The following LPP variants were observed in gnomAD, a reference collection of about 807,000 sequenced individuals.
The protein encoded by LPP is LIM domain containing preferred translocation partner in lipoma.
LPP carries 38 observed loss-of-function variants against 60.4 expected under a neutral mutation model. The observed-to-expected ratio is 0.63, with a 90% CI of 0.49 to 0.83. The LOEUF (loss-of-function observed/expected upper bound fraction) is 0.83. Among genes scored for constraint, LPP ranks in the 40% least tolerant of loss-of-function variants. The probability of loss-of-function intolerance (pLI) is 0.00; values close to 1 mark genes in which losing one functional copy is unlikely to be tolerated. For synonymous variants in LPP, 328 were observed against 290.8 expected, an observed-to-expected ratio of 1.13 and a Z score of -1.30; for missense variants, 902 against 783.6, an observed-to-expected ratio of 1.15 and a Z score of -1.80.
chr3:188,710,199 A>G (rs1292873192), intron 8 of LPP: 1 of 152,222 alleles, frequency 6.6e-6, no homozygotes, highest in Non-Finnish European at 1.5e-5. Flanking sequence ...GTCCAAAAAC[A>G]CACAGTAGAT....
chr3:188,581,046 C>T (rs1006620145), intron 6 of LPP, among the ~76,000 whole-genome samples: 8 of 152,158 alleles, frequency 5.3e-5, no homozygotes, highest in Middle Eastern at 3.4e-3. Context: ...TACAAAACAC[C>T]TTCCCAGCCA....
At chr3:188,732,609 T>C (rs1721023727) in intron 8 of LPP, among the ~76,000 whole-genome samples, 1 of 150,672 alleles carries the variant, frequency 6.6e-6, no homozygotes, top group Admixed American at 6.7e-5. Context: ...TCCCAGCTAC[T>C]TGGGAGGCTG....
intron 5 of LPP, among the ~76,000 whole-genome samples, chr3:188,490,486 G>T (rs575617515): frequency 1.3e-5 from 2 of 150,826 alleles, no homozygotes; most frequent in South Asian, 4.2e-4. Context: ...TCAGCCCACC[G>T]AGTAGCTGGG....
chr3:188,826,548 C>G (rs981399562), intron 9 of LPP, among the ~76,000 whole-genome samples: 5 of 151,992 alleles, frequency 3.3e-5, no homozygotes, highest in Admixed American at 2.0e-4. Flanking sequence ...ATGGTCTTAC[C>G]CCATGGGTTC....
chr3:188,172,352 G>T (rs1721823536), intron 1 of LPP, among the ~76,000 whole-genome samples: 1 of 152,138 alleles, frequency 6.6e-6, no homozygotes, highest in South Asian at 2.1e-4. Context: ...TTAGGCCTCT[G>T]TTGCCTCATC....
intron 3 of LPP, among the ~76,000 whole-genome samples, chr3:188,405,861 T>C (rs1783339378): frequency 7.4e-6 from 1 of 134,504 alleles, no homozygotes; most frequent in Non-Finnish European, 1.6e-5. Flanking sequence ...CAGTGTTCTC[T>C]TCCTGCTCCT....
intron 8 of LPP, among the ~76,000 whole-genome samples, chr3:188,727,236 G>A (rs1468037508): frequency 6.6e-6 from 1 of 152,144 alleles, no homozygotes; most frequent in Admixed American, 6.6e-5. Flanking sequence ...TCTGTGATAG[G>A]GGGTTTTGGA....
intron 7 of LPP, among the ~76,000 whole-genome samples, chr3:188,699,615 A>G (rs148321121): frequency 2.6e-5 from 4 of 152,310 alleles, no homozygotes; most frequent in African/African-American, 9.6e-5. Flanking sequence ...GTGTCCTTAA[A>G]ATTCATTCTT....
At chr3:188,671,441 T>C (rs1387186372) in intron 7 of LPP, among the ~76,000 whole-genome samples, 1 of 152,234 alleles carries the variant, frequency 6.6e-6, no homozygotes, top group Non-Finnish European at 1.5e-5. Flanking sequence ...TTTATTTAAA[T>C]TGAAACCAAT....
At chr3:188,336,470 C>A (rs1018473395) in intron 2 of LPP, among the ~76,000 whole-genome samples, 1 of 152,160 alleles carries the variant, frequency 6.6e-6, no homozygotes, top group African/African-American at 2.4e-5. Flanking sequence ...GATTTGGCAA[C>A]ATGAGCCAGT....
rs1012504068 is a variant in LPP, at chr3:188,889,248, A to G, written c.*14769A>G. 4.3e-6 allele frequency: 1 copy of G among 230,664 alleles called. No homozygotes were observed. Among genetic ancestry groups the G allele is most frequent in the Middle Eastern group, 1.3e-3 (1 of 778 alleles). 14.3% of individuals were successfully genotyped at this position (230,664 alleles called of 1,614,324 possible). On this transcript the variant is annotated 3_prime_UTR_variant, in exon 12 of 12. Coordinates refer to ENST00000617246, the MANE Select transcript of LPP (RefSeq NM_001375462.1). ...TTTCCATAGTTCCATCACTGACAAAACTGTCAATACTGTTGATGGAGCAGC... is the reference window on the plus strand; with the variant it reads ...TTTCCATAGTTCCATCACTGACAAAGCTGTCAATACTGTTGATGGAGCAGC...
At chr3:188,456,654 TGG>T (rs1464563087) in intron 4 of LPP, among the ~76,000 whole-genome samples, 5 of 152,234 alleles carry the variant, frequency 3.3e-5, no homozygotes, top group Admixed American at 6.5e-5. Context: ...TTGCCACTGA[TGG>T]CAGAGTCAAC....
Position 188,230,971 on chromosome 3 carries a change from ATTTG to A in LPP, c.-67+5448_-67+5451del, listed in dbSNP as rs373115590. Among the ~76,000 whole-genome samples the A allele has an allele frequency of 4.4e-3, 675 of 152,138 alleles. 7 individuals are homozygous for A. The highest frequency in any genetic ancestry group is 0.015 in the African/African-American group (637 of 41,492). ...AGCACATCGCATGATGGTTGGCAGG[ATTTG>A]TTTCCCCACAGATTATTGGACTGAG... is the stretch of plus-strand genomic sequence containing the variant. On this transcript the variant is annotated intron_variant, in intron 2 of 11. Coordinates refer to ENST00000617246, the MANE Select transcript of LPP (RefSeq NM_001375462.1).
intron 1 of LPP, among the ~76,000 whole-genome samples, chr3:188,167,268 C>T (rs925967095): frequency 5.3e-5 from 8 of 152,136 alleles, no homozygotes; most frequent in African/African-American, 1.4e-4. Flanking sequence ...GAGGCCGAGG[C>T]GGGCAGGTCA....
In LPP at chr3:188,888,322, C is replaced by G. The variant is rs73888971; in HGVS notation, c.*13843C>G. The G allele has an allele frequency of 1.3e-5, 3 of 227,662 alleles. No homozygotes were observed. Among genetic ancestry groups the G allele is most frequent in the Non-Finnish European group, 2.6e-5 (3 of 114,520 alleles). The allele number at this position is 227,662 out of a possible 1,614,324, so 14.1% of individuals were successfully genotyped here. ...TAGATGTGGCGTGAAGATACAGAGC[C>G]TGAGGATAGTAATTTTCCCTGAGCC... On this transcript the variant is annotated 3_prime_UTR_variant, in exon 12 of 12. Transcript: ENST00000617246.
intron 11 of LPP, among the ~76,000 whole-genome samples, 165 bp from the exon 12 acceptor site, chr3:188,874,186 A>G (rs1194975062): frequency 6.6e-6 from 1 of 152,150 alleles, no homozygotes; most frequent in Non-Finnish European, 1.5e-5. Flanking sequence ...ATACTATGTT[A>G]TATATTGGGA....
At chr3:188,638,335 C>T (rs1335149591) in intron 7 of LPP, among the ~76,000 whole-genome samples, 1 of 149,866 alleles carries the variant, frequency 6.7e-6, no homozygotes, top group Admixed American at 6.7e-5. Context: ...TAAAAACTCT[C>T]AATAAATTAG....
chr3:188,532,039 G>A (rs567515321), intron 6 of LPP, among the ~76,000 whole-genome samples: 1 of 152,164 alleles, frequency 6.6e-6, no homozygotes, highest in East Asian at 1.9e-4. Flanking sequence ...GAACTGAATT[G>A]AGTCATAAAA....
intron 9 of LPP, among the ~76,000 whole-genome samples, chr3:188,804,791 C>T (rs1748572997): frequency 6.6e-6 from 1 of 152,042 alleles, no homozygotes; most frequent in African/African-American, 2.4e-5. Context: ...TAAGAGAAAA[C>T]ATTGAGTCTT....
Sources: allele counts gnomAD v4.1 joint callset (sites outside exome capture counted in the v4.1 genomes callset), GRCh38; gene constraint gnomAD v4.1.1; transcripts MANE v1.5; gene names NCBI Gene and HGNC (gene_info 2026-07-23, HGNC 2026-07-21).